TOX2: variants seen among roughly 807,000 people sequenced by gnomAD.
TOX2 encodes TOX high mobility group box family member 2, also known as granulosa cell HMG box 1.
In TOX2, 15 loss-of-function variants were observed where a neutral mutation model predicts 47.4. The ratio of observed to expected loss-of-function variants is 0.32; its 90% CI spans 0.21 to 0.49. The LOEUF (loss-of-function observed/expected upper bound fraction) is 0.49. Among genes scored for constraint, TOX2 ranks in the 20% least tolerant of loss-of-function variants. TOX2 has a pLI of 0.99. For missense variants in TOX2, 622 were observed against 673.1 expected (o/e 0.92, Z 0.84); for synonymous variants, 290 against 296.6 (o/e 0.98, Z 0.23).
chr20:43,932,783 C>CCGCCG (rs11283632), intron 1 of TOX2, among the ~76,000 whole-genome samples: 1 of 148,974 alleles, frequency 6.7e-6, no homozygotes, highest in Admixed American at 6.8e-5. Context: ...TGCCCCCCCC[C>CCGCCG]GCCATTTCTG....
chr20:44,048,940 A>G (rs549906787), intron 3 of TOX2, among the ~76,000 whole-genome samples: 1 of 152,174 alleles, frequency 6.6e-6, no homozygotes, highest in South Asian at 2.1e-4. Context: ...AGTTTGAGAC[A>G]AGCCTGGCCA....
At chr20:43,923,184 T>C (rs926572479) in intron 1 of TOX2, among the ~76,000 whole-genome samples, 5 of 151,888 alleles carry the variant, frequency 3.3e-5, no homozygotes, top group African/African-American at 1.2e-4. Flanking sequence ...CCAGCAGAGA[T>C]GGTTATGAAG....
chr20:43,922,956 C>T (rs1271813223), intron 1 of TOX2, among the ~76,000 whole-genome samples: 1 of 152,036 alleles, frequency 6.6e-6, no homozygotes, highest in Non-Finnish European at 1.5e-5. Context: ...GCTTAAAATG[C>T]AGAGTAATAA....
chr20:43,945,023 G>A (rs979051981), intron 1 of TOX2, among the ~76,000 whole-genome samples: 2 of 152,214 alleles, frequency 1.3e-5, no homozygotes, highest in African/African-American at 2.4e-5. Flanking sequence ...TCCCAAGCCC[G>A]ATCAAGGCTT....
chr20:44,048,561 T>G (rs2071455862), intron 3 of TOX2, among the ~76,000 whole-genome samples: 1 of 151,486 alleles, frequency 6.6e-6, no homozygotes, highest in African/African-American at 2.4e-5. Context: ...GTAATTTATA[T>G]GTTATCTATA....
intron 2 of TOX2, among the ~76,000 whole-genome samples, chr20:43,984,318 T>G (rs2070225252): frequency 6.6e-6 from 1 of 152,210 alleles, no homozygotes; most frequent in African/African-American, 2.4e-5. Context: ...TGATGAAATT[T>G]AATATCACTT....
At position 43,916,057 on chromosome 20, in the gene TOX2, G is replaced by A; in HGVS notation, c.99+1067G>A. On this transcript the variant is annotated intron_variant, in intron 1 of 8. Transcript: ENST00000341197. The surrounding 1 kb of genome is among the most constrained non-coding windows in gnomAD (Gnocchi z 5.0). The stretch of plus-strand genomic sequence containing the variant: ...GGGAACTTTCAAACTTAGTTAGGAA[G>A]CCAGACTGTCCGCGCGTCCGCCAGT... 2 of 934,398 alleles carry A rather than the reference G, an allele frequency of 2.1e-6. No individual in the cohort carries two copies. Among genetic ancestry groups the A allele is most frequent in the Non-Finnish European group, 2.6e-6 (2 of 783,486 alleles). The allele number at this position is 934,398 out of a possible 1,614,324, so 57.9% of individuals were successfully genotyped here.
At chr20:43,926,132 C>T (rs1408041714) in intron 1 of TOX2, among the ~76,000 whole-genome samples, 2 of 152,144 alleles carry the variant, frequency 1.3e-5, no homozygotes, top group African/African-American at 4.8e-5. Flanking sequence ...CAATGCCACG[C>T]ATATATTTTA....
At chr20:43,941,698 T>C (rs542744888) in intron 1 of TOX2, among the ~76,000 whole-genome samples, 27 of 152,314 alleles carry the variant, frequency 1.8e-4, no homozygotes, top group Admixed American at 2.0e-4. Context: ...TCTATTGACT[T>C]AAGGAGGTTT....
At chr20:44,015,727 G>A (rs114496348) in intron 3 of TOX2, among the ~76,000 whole-genome samples, 1,782 of 152,250 alleles carry the variant, frequency 0.012, 34 homozygotes, top group African/African-American at 0.041. Flanking sequence ...TTGTTTTTCT[G>A]TTTTTAATGA....
intron 3 of TOX2, among the ~76,000 whole-genome samples, chr20:44,034,043 C>G (rs2071199352): frequency 1.3e-5 from 2 of 152,202 alleles, no homozygotes; most frequent in Admixed American, 1.3e-4. Context: ...GCTTACCCTC[C>G]AACAAGTCCC....
intron 3 of TOX2, among the ~76,000 whole-genome samples, chr20:44,009,127 C>CA (rs1210274552): frequency 1.3e-5 from 2 of 152,194 alleles, no homozygotes; most frequent in African/African-American, 4.8e-5. Flanking sequence ...GTTCAGAAGC[C>CA]ACAGTCGAAT....
At chr20:43,950,019 C>T (rs2145380522) in intron 1 of TOX2, among the ~76,000 whole-genome samples, 1 of 106,242 alleles carries the variant, frequency 9.4e-6, no homozygotes, top group South Asian at 3.6e-4. Flanking sequence ...CTTGGACAAG[C>T]CACCTAGCCT....
intron 1 of TOX2, among the ~76,000 whole-genome samples, chr20:43,918,291 G>A (rs1455592001): frequency 6.6e-6 from 1 of 152,150 alleles, no homozygotes; most frequent in Non-Finnish European, 1.5e-5. Context: ...GTGACCTAGG[G>A]CAAATGATTT....
At chr20:43,939,627 G>A (rs1050021098) in intron 1 of TOX2, among the ~76,000 whole-genome samples, 2 of 152,198 alleles carry the variant, frequency 1.3e-5, no homozygotes, top group Non-Finnish European at 2.9e-5. Context: ...AGATAAGCGA[G>A]GGTTCATTTG....
At chr20:43,989,599 G>T (rs1358475947) in intron 2 of TOX2, among the ~76,000 whole-genome samples, 1 of 152,086 alleles carries the variant, frequency 6.6e-6, no homozygotes, top group African/African-American at 2.4e-5. Flanking sequence ...GGCCAACATG[G>T]AGAAACTCCA....
chr20:44,046,852 C>A (rs1207886146), intron 3 of TOX2, among the ~76,000 whole-genome samples: 3 of 152,142 alleles, frequency 2.0e-5, no homozygotes, highest in African/African-American at 7.2e-5. Context: ...ATACCAAACC[C>A]CTGTGACATG....
At chr20:43,967,387 T>C (rs1010741114) in intron 1 of TOX2, among the ~76,000 whole-genome samples, 12 of 152,126 alleles carry the variant, frequency 7.9e-5, no homozygotes, top group African/African-American at 2.9e-4. Flanking sequence ...CCAGAGAAAG[T>C]GTGAATCGAG....
chr20:43,923,681 G>A (rs190626709), intron 1 of TOX2, among the ~76,000 whole-genome samples: 1 of 152,324 alleles, frequency 6.6e-6, no homozygotes, highest in East Asian at 1.9e-4. Flanking sequence ...CAAGCCCCTT[G>A]GTGGGTTGTG....
Sources: allele counts gnomAD v4.1 joint callset (sites outside exome capture counted in the v4.1 genomes callset), GRCh38; gene constraint gnomAD v4.1.1; non-coding constraint Gnocchi (gnomAD v3.1); transcripts MANE v1.5; gene names NCBI Gene and HGNC (gene_info 2026-07-23, HGNC 2026-07-21).